The following SMURF1 variants were observed in gnomAD, a reference collection of about 807,000 sequenced individuals.
The protein encoded by SMURF1 is E3 ubiquitin-protein ligase SMURF1.
In SMURF1, 44 loss-of-function variants were observed where a neutral mutation model predicts 98.0. That is an observed-to-expected ratio of 0.45 (90% CI 0.35 to 0.58). The LOEUF (loss-of-function observed/expected upper bound fraction) is 0.58, where lower values mean the gene tolerates loss of function less well. Among genes scored for constraint, SMURF1 ranks in the 20% least tolerant of loss-of-function variants. SMURF1 has a pLI of 0.00. For synonymous variants in SMURF1, 396 were observed against 374.9 expected (o/e 1.06, Z -0.65); for missense variants, 687 against 938.4 (o/e 0.73, Z 3.50).
At chr7:99,048,760 A>C (rs1795662886) in intron 9 of SMURF1, 1 of 152,228 alleles carries the variant, frequency 6.6e-6, no homozygotes, top group Non-Finnish European at 1.5e-5. Flanking sequence ...TGTCCTGTTC[A>C]AGTTTTGCCA....
rs143926507 is a variant in SMURF1, at chr7:99,036,243, G to A, written c.1810-527C>T. On this transcript the variant is annotated intron_variant, in intron 15 of 17. Coordinates refer to ENST00000361368, the MANE Select transcript of SMURF1 (RefSeq NM_181349.3). ...GTAGTCCCAGCACTTTGTGGGGGCC[G>A]AAGTTGGGCAGATCACTTGAGCCCA... 3.1e-3 allele frequency: 503 copies of A among 161,526 alleles called. 1 individual carries two copies. The highest frequency in any genetic ancestry group is 0.011 in the African/African-American group (473 of 41,610). 10.0% of individuals were successfully genotyped at this position (161,526 alleles called of 1,614,324 possible). A position where few individuals can be genotyped will look rare whatever the true frequency, so the allele number is the denominator to read the frequency against.
chr7:99,105,416 A>G (rs1466312897), intron 1 of SMURF1, among the ~76,000 whole-genome samples: 2 of 152,194 alleles, frequency 1.3e-5, no homozygotes, highest in Admixed American at 1.3e-4. Flanking sequence ...ACAAACACTA[A>G]AACAACAACC....
chr7:99,076,633 C>T (rs917200619), intron 1 of SMURF1, among the ~76,000 whole-genome samples: 15 of 152,210 alleles, frequency 9.9e-5, no homozygotes, highest in African/African-American at 3.1e-4. Context: ...GATCCTGAAA[C>T]AGAACATGTC....
chr7:99,081,242 C>G (rs1203727858), intron 1 of SMURF1: 1 of 152,194 alleles, frequency 6.6e-6, no homozygotes, highest in East Asian at 1.9e-4. Context: ...TACAGTGGTT[C>G]ATGTCTATAA....
chr7:99,085,296 T>C (rs1417431766), intron 1 of SMURF1, among the ~76,000 whole-genome samples: 2 of 141,678 alleles, frequency 1.4e-5, no homozygotes, highest in Non-Finnish European at 3.0e-5. Context: ...GAGAGTGCAG[T>C]GAGTCGAGAT....
chr7:99,100,217 T>C (rs1797045478), intron 1 of SMURF1, among the ~76,000 whole-genome samples: 1 of 152,078 alleles, frequency 6.6e-6, no homozygotes, highest in Non-Finnish European at 1.5e-5. Flanking sequence ...GTACTCTACC[T>C]AGTAAGAAAG....
rs1795329039 is a variant in SMURF1, at chr7:99,040,319, A to G, written c.1550+59T>C. ...CGCGCGCGCGCGCGCACGCGCATAC[A>G]TACGATAGACGTGGTGGTGGGCCCT... is the stretch of plus-strand genomic sequence containing the variant. On this transcript the variant is annotated intron_variant, in intron 13 of 17. Transcript: ENST00000361368. 10 of 1,406,826 alleles carry G rather than the reference A, an allele frequency of 7.1e-6. No individual in the cohort carries two copies. In the South Asian group the frequency reaches 1.6e-4, roughly 22 times the overall value. The allele number at this position is 1,406,826 out of a possible 1,614,324, so 87.1% of individuals were successfully genotyped here.
Position 99,109,468 on chromosome 7 carries a change from C to A in SMURF1, c.55+34258G>T, listed in dbSNP as rs115696675. Among the ~76,000 whole-genome samples, 864 of 152,330 alleles carry A rather than the reference C, an allele frequency of 5.7e-3. 10 individuals are homozygous for A. The highest frequency in any genetic ancestry group is 0.019 in the African/African-American group (789 of 41,578). On this transcript the variant is annotated intron_variant, in intron 1 of 17. Coordinates refer to ENST00000361368, the MANE Select transcript of SMURF1 (RefSeq NM_181349.3). ...GAGCTGCACCCACACCCTCAAACAT[C>A]TGTACAGCAGTTCTGCAGTGCCTCT...
At chr7:99,141,605 C>G (rs1343565040) in intron 1 of SMURF1, among the ~76,000 whole-genome samples, 1 of 152,140 alleles carries the variant, frequency 6.6e-6, no homozygotes, top group Non-Finnish European at 1.5e-5. Flanking sequence ...AGGAAACTAC[C>G]TCCTACGTTA....
intron 1 of SMURF1, among the ~76,000 whole-genome samples, chr7:99,135,775 G>T (rs995783550): frequency 6.6e-6 from 1 of 152,188 alleles, no homozygotes; most frequent in Non-Finnish European, 1.5e-5. Context: ...AGAATTGCTA[G>T]ATCAAAGAGC....
In SMURF1 at chr7:99,028,525, G is replaced by A. The variant is rs539568106; in HGVS notation, c.*2059C>T. ...GGCTGAAGCAACACCCGGCACGAGA[G>A]GCAGGGCAGCACCAACCAGCATGGG... On this transcript the variant is annotated 3_prime_UTR_variant, in exon 18 of 18. Coordinates refer to ENST00000361368, the MANE Select transcript of SMURF1 (RefSeq NM_181349.3). 2.6e-5 allele frequency: 4 copies of A among 152,374 alleles called. No individual in the cohort carries two copies. Among genetic ancestry groups the A allele is most frequent in the Admixed American group, 2.0e-4 (3 of 15,290 alleles). 9.4% of individuals were successfully genotyped at this position (152,374 alleles called of 1,614,324 possible).
chr7:99,133,393 A>T (rs1055385290), intron 1 of SMURF1, among the ~76,000 whole-genome samples: 2 of 149,022 alleles, frequency 1.3e-5, no homozygotes, highest in Non-Finnish European at 3.0e-5. Context: ...ATTAAAAAAG[A>T]AAAAAAAAAG....
intron 1 of SMURF1, among the ~76,000 whole-genome samples, chr7:99,112,567 A>T (rs1306290610): frequency 6.6e-6 from 1 of 152,222 alleles, no homozygotes; most frequent in Non-Finnish European, 1.5e-5. Context: ...TATACAAAAA[A>T]TCCAGTTTGG....
At position 99,030,485 on chromosome 7, in the gene SMURF1, G is replaced by A. The variant is rs10282646; in HGVS notation, c.*99C>T. The A allele has an allele frequency of 1.7e-5, 17 of 993,244 alleles. No homozygotes were observed. Among genetic ancestry groups the A allele is most frequent in the Non-Finnish European group, 2.7e-5 (17 of 639,136 alleles). The allele number at this position is 993,244 out of a possible 1,614,324, so 61.5% of individuals were successfully genotyped here. A position where few individuals can be genotyped will look rare whatever the true frequency, so the allele number is the denominator to read the frequency against. ...CAACCCTTTCCCCTCAGGTGATCTG[G>A]AATTCCAGGGCCTCTGCCAGCTTTG... On this transcript the variant is annotated 3_prime_UTR_variant, in exon 18 of 18. Transcript: ENST00000361368.
chr7:99,042,579 T>C (rs10267068), intron 11 of SMURF1, among the ~76,000 whole-genome samples: 16,202 of 152,252 alleles, frequency 0.11, 2,837 homozygotes, highest in African/African-American at 0.37. Flanking sequence ...TCAGCCTAAG[T>C]TGTTATTTTC....
chr7:99,066,403 G>C (rs1300223252), intron 1 of SMURF1, among the ~76,000 whole-genome samples: 1 of 152,310 alleles, frequency 6.6e-6, no homozygotes, highest in East Asian at 1.9e-4. Flanking sequence ...CTCATACAAT[G>C]TTTGAGTTTA....
chr7:99,127,325 A>G (rs758789909), intron 1 of SMURF1, among the ~76,000 whole-genome samples: 7 of 152,168 alleles, frequency 4.6e-5, no homozygotes, highest in Non-Finnish European at 1.5e-5. Flanking sequence ...GTGTTAAAAG[A>G]AAAAGAGGGA....
intron 13 of SMURF1, among the ~76,000 whole-genome samples, chr7:99,038,814 A>T (rs1370482329): frequency 6.6e-6 from 1 of 152,130 alleles, no homozygotes; most frequent in East Asian, 1.9e-4. Flanking sequence ...GCTGCTTTGT[A>T]AGCAGTGTGG....
chr7:99,076,293 G>A (rs1796457005), intron 1 of SMURF1, among the ~76,000 whole-genome samples: 1 of 152,234 alleles, frequency 6.6e-6, no homozygotes, highest in Non-Finnish European at 1.5e-5. Flanking sequence ...CTTTACAGTG[G>A]AGAAACCTGA....
Sources: gnomAD v4.1 joint callset for allele counts (sites outside exome capture counted in the v4.1 genomes callset) on GRCh38, gnomAD v4.1.1 for gene constraint, MANE v1.5 for transcripts, NCBI Gene and HGNC (gene_info 2026-07-23, HGNC 2026-07-21) for gene names.